Variants in BMERB1 observed in about 807,000 individuals in gnomAD.
BMERB1 encodes bMERB domain containing 1.
Under a neutral mutation model 23.6 loss-of-function variants are expected in BMERB1, and 12 were observed. The ratio of observed to expected loss-of-function variants is 0.51; its 90% CI spans 0.33 to 0.82. BMERB1 has a LOEUF of 0.82. Among genes scored for constraint, BMERB1 ranks in the 40% least tolerant of loss-of-function variants. The pLI is 0.03. For synonymous variants in BMERB1, 122 were observed against 96.6 expected, an observed-to-expected ratio of 1.26 and a Z score of -1.54; for missense variants, 247 against 255.4, an observed-to-expected ratio of 0.97 and a Z score of 0.22.
chr16:15,554,680 T>C (rs28505751), intron 2 of BMERB1, among the ~76,000 whole-genome samples: 15,586 of 151,104 alleles, frequency 0.1, 2,506 homozygotes, highest in African/African-American at 0.34. Flanking sequence ...TTTTCTTTTT[T>C]TTTTTAGATG....
At chr16:15,566,763 A>G (rs1347722323) in intron 2 of BMERB1, among the ~76,000 whole-genome samples, 1 of 152,246 alleles carries the variant, frequency 6.6e-6, no homozygotes, top group Non-Finnish European at 1.5e-5. Context: ...GGAGATTTGC[A>G]TATACTGATA....
chr16:15,584,026 G>A, intron 5 of BMERB1: 1 of 702,354 alleles, frequency 1.4e-6, no homozygotes. Flanking sequence ...CTCTGGAGAA[G>A]CCAGAAGCAT....
intron 1 of BMERB1, among the ~76,000 whole-genome samples, chr16:15,444,123 G>GTTTTTTTTTTTTTTTTGTTTTTTTTTTTT (rs2050966920): frequency 2.8e-5 from 1 of 35,610 alleles, no homozygotes; most frequent in Non-Finnish European, 4.6e-5. Context: ...CACCAGCTTT[G>GTTTTTTTTTTTTTTTTGTTTTTTTTTTTT]TTTTTTTTTT....
At chr16:15,460,299 C>T (rs1162890553) in intron 1 of BMERB1, among the ~76,000 whole-genome samples, 1 of 151,892 alleles carries the variant, frequency 6.6e-6, no homozygotes, top group Non-Finnish European at 1.5e-5. Flanking sequence ...GAGTTGGGTA[C>T]GTAGGTAGGG....
intron 1 of BMERB1, among the ~76,000 whole-genome samples, chr16:15,463,646 G>C (rs919152846): frequency 1.3e-5 from 2 of 152,194 alleles, no homozygotes; most frequent in Middle Eastern, 3.4e-3. Flanking sequence ...CCTTAACAAT[G>C]AATCGTAGTA....
chr16:15,551,778 A>G (rs929478047), intron 2 of BMERB1, among the ~76,000 whole-genome samples: 1 of 152,214 alleles, frequency 6.6e-6, no homozygotes, highest in Non-Finnish European at 1.5e-5. Flanking sequence ...ACTTGCAGTC[A>G]TGGCAGACGG....
chr16:15,447,738 T>A (rs2051002180), intron 1 of BMERB1, among the ~76,000 whole-genome samples: 1 of 151,952 alleles, frequency 6.6e-6, no homozygotes, highest in South Asian at 2.1e-4. Context: ...GCGTGGAGAT[T>A]TCTGGAGGCG....
intron 1 of BMERB1, among the ~76,000 whole-genome samples, chr16:15,469,108 T>C (rs759407106): frequency 1.3e-5 from 2 of 151,660 alleles, no homozygotes; most frequent in African/African-American, 2.4e-5. Context: ...GGACTACAAG[T>C]GCGTGCCACC....
At chr16:15,448,039 G>A (rs986394872) in intron 1 of BMERB1, 5 of 394,382 alleles carry the variant, frequency 1.3e-5, no homozygotes, top group African/African-American at 8.3e-5. Flanking sequence ...ACAGGTACCC[G>A]CCACCATGCC....
At chr16:15,475,488 A>G (rs956572302) in intron 1 of BMERB1, among the ~76,000 whole-genome samples, 3 of 152,172 alleles carry the variant, frequency 2.0e-5, no homozygotes, top group Admixed American at 2.0e-4. Context: ...GATTAAAATC[A>G]GGCAAGGGAA....
At chr16:15,582,641 C>A (rs190586659) in intron 4 of BMERB1, among the ~76,000 whole-genome samples, 90 of 152,072 alleles carry the variant, frequency 5.9e-4, no homozygotes, top group Non-Finnish European at 8.8e-5. Flanking sequence ...ATCTCTTGAG[C>A]CCAGGAGTTC....
intron 1 of BMERB1, among the ~76,000 whole-genome samples, chr16:15,473,977 G>A (rs974022099): frequency 7.2e-5 from 11 of 151,882 alleles, no homozygotes; most frequent in Admixed American, 5.3e-4. Flanking sequence ...AAAATTAGCC[G>A]GGCGTGGTGG....
chr16:15,586,546 G>A (rs977551003), intron 5 of BMERB1, among the ~76,000 whole-genome samples, 171 bp from the exon 6 acceptor site: 2 of 152,184 alleles, frequency 1.3e-5, no homozygotes, highest in Non-Finnish European at 2.9e-5. Context: ...GACCAGCTGA[G>A]GATCATATGA....
At chr16:15,466,515 G>A (rs1038805271) in intron 1 of BMERB1, among the ~76,000 whole-genome samples, 16 of 151,848 alleles carry the variant, frequency 1.1e-4, no homozygotes, top group Middle Eastern at 6.8e-3. Flanking sequence ...CTTGTGGCCT[G>A]TCTTTTAAAA....
intron 5 of BMERB1, chr16:15,583,991 C>T: frequency 1.4e-6 from 1 of 702,196 alleles, no homozygotes; most frequent in Non-Finnish European, 2.6e-6. Flanking sequence ...GCTCAGGGAG[C>T]TCTGGCCTCT....
chr16:15,483,719 A>G (rs74441159), intron 1 of BMERB1, among the ~76,000 whole-genome samples: 2,095 of 152,226 alleles, frequency 0.014, 54 homozygotes, highest in African/African-American at 0.049. Flanking sequence ...CTGCTGATCT[A>G]CAACTATGTA....
chr16:15,478,242 C>T (rs552532279), intron 1 of BMERB1, among the ~76,000 whole-genome samples: 36 of 152,244 alleles, frequency 2.4e-4, no homozygotes, highest in Admixed American at 1.4e-3. Flanking sequence ...ACTGCAGCCT[C>T]TGCCTCTCCC....
At chr16:15,562,802 G>A (rs1159839926) in intron 2 of BMERB1, among the ~76,000 whole-genome samples, 1 of 152,200 alleles carries the variant, frequency 6.6e-6, no homozygotes, top group Non-Finnish European at 1.5e-5. Flanking sequence ...AAACTCACGG[G>A]AACAGTCTGT....
chr16:15,459,321 G>A (rs1339887771), intron 1 of BMERB1, among the ~76,000 whole-genome samples: 2 of 151,182 alleles, frequency 1.3e-5, no homozygotes, highest in Admixed American at 6.6e-5. Context: ...CAATCAACAG[G>A]CAAAGATCGT....
Sources: gnomAD v4.1 joint callset for allele counts (sites outside exome capture counted in the v4.1 genomes callset) on GRCh38, gnomAD v4.1.1 for gene constraint, MANE v1.5 for transcripts, NCBI Gene and HGNC (gene_info 2026-07-23, HGNC 2026-07-21) for gene names.